Variants in SCAPER observed in about 807,000 individuals in gnomAD.
The protein encoded by SCAPER is S-phase cyclin A associated protein in the ER, also known as S phase cyclin A-associated protein in the endoplasmic reticulum.
A neutral mutation model predicts 182.2 loss-of-function variants in SCAPER; 98 were observed. That is an observed-to-expected ratio of 0.54 (90% CI 0.46 to 0.64). The LOEUF is 0.64. SCAPER is among the 30% of genes least tolerant of loss of function. The pLI, the probability that SCAPER is intolerant of heterozygous loss-of-function variation, is 0.00. For synonymous variants in SCAPER, 605 were observed against 564.6 expected, an observed-to-expected ratio of 1.07 and a Z score of -1.01; for missense variants, 1,432 against 1,690.0, an observed-to-expected ratio of 0.85 and a Z score of 2.68.
chr15:76,887,516 C>T (rs535555580), intron 1 of SCAPER, among the ~76,000 whole-genome samples: 4 of 152,318 alleles, frequency 2.6e-5, no homozygotes, highest in South Asian at 2.1e-4. Flanking sequence ...ATGCCTGGCT[C>T]GGTGGGTCCC....
At chr15:76,583,982 A>G (rs2048449739) in intron 22 of SCAPER, among the ~76,000 whole-genome samples, 1 of 152,208 alleles carries the variant, frequency 6.6e-6, no homozygotes. Context: ...TGTTTATTGC[A>G]GCACTATTCA....
chr15:76,391,514 G>C (rs1337337018), intron 27 of SCAPER, among the ~76,000 whole-genome samples: 2 of 152,196 alleles, frequency 1.3e-5, no homozygotes, highest in Admixed American at 6.5e-5. Flanking sequence ...AAGAAAGGGA[G>C]AACTGATCTT....
chr15:76,667,625 C>CAAAAAAAAAAAAAA lies in SCAPER; in HGVS notation c.2509-1850_2509-1837dup, dbSNP rs775463270. On this transcript the variant is annotated intron_variant, in intron 20 of 31. Coordinates refer to ENST00000563290, the MANE Select transcript of SCAPER (RefSeq NM_020843.4). Reference sequence around the variant, plus strand: ...GGGCAACAAGAGCGAGACTCAGTCTCAAAAAAAAAAAAAAAAAAAAAAAAA... The same window carrying CAAAAAAAAAAAAAA: ...GGGCAACAAGAGCGAGACTCAGTCTCAAAAAAAAAAAAAAAAAAAAAAAAAAAAAAAAAAAAAAA... Among the ~76,000 whole-genome samples, 5 of 27,474 alleles carry CAAAAAAAAAAAAAA rather than the reference C, an allele frequency of 1.8e-4. 2 individuals carry two copies. Among genetic ancestry groups the CAAAAAAAAAAAAAA allele is most frequent in the Non-Finnish European group, 3.3e-4 (5 of 15,342 alleles). 18.0% of individuals were successfully genotyped at this position (27,474 alleles called of 152,430 possible).
At chr15:76,474,649 G>A (rs1270726908) in intron 24 of SCAPER, among the ~76,000 whole-genome samples, 1 of 152,152 alleles carries the variant, frequency 6.6e-6, no homozygotes, top group Admixed American at 6.5e-5. Flanking sequence ...TTAGGACAGT[G>A]CCTGGCACAT....
At chr15:76,396,704 T>C (rs897999612) in intron 27 of SCAPER, among the ~76,000 whole-genome samples, 5 of 152,186 alleles carry the variant, frequency 3.3e-5, no homozygotes, top group African/African-American at 4.8e-5. Flanking sequence ...TCGGTTCTAA[T>C]AGCTTTTTGA....
chr15:76,848,434 C>T (rs928406567), intron 4 of SCAPER, among the ~76,000 whole-genome samples: 8 of 151,042 alleles, frequency 5.3e-5, no homozygotes, highest in African/African-American at 9.8e-5. Flanking sequence ...CCCAGGTTCA[C>T]GCCATTCTCC....
chr15:76,693,652 G>A (rs1396704409), intron 20 of SCAPER, among the ~76,000 whole-genome samples: 1 of 151,926 alleles, frequency 6.6e-6, no homozygotes, highest in Non-Finnish European at 1.5e-5. Context: ...TAAATATAAT[G>A]GAATATTATT....
Position 76,728,638 on chromosome 15 carries a change from C to G in SCAPER, c.2122G>C (p.Glu708Gln), listed in dbSNP as rs554728433. ...GCATCCTCACGGGCTTTTTCCTTTT[C>G]TTGCCTCTGTTGTTCAATTCGGGCT... Reference protein sequence around the residue: ...QEARIEQQRQEKEKAREDAAR... With the variant: ...QEARIEQQRQQKEKAREDAAR... The change falls in exon 17 of 32, where the codon GAA becomes CAA. Residue 708 changes from glutamate (E) to glutamine (Q), a missense_variant. By Grantham distance (29) the Glu-to-Gln change is conservative. This residue lies in a region of SCAPER where 88 missense variants were observed against 184.2 expected (regional missense o/e 0.48). Transcript: ENST00000563290. The G allele has an allele frequency of 5.0e-6, 8 of 1,613,682 alleles. No homozygotes were observed. The South Asian group carries it at 8.8e-5, about 18-fold the overall frequency.
At chr15:76,606,373 G>A (rs2050397791) in intron 22 of SCAPER, among the ~76,000 whole-genome samples, 1 of 152,188 alleles carries the variant, frequency 6.6e-6, no homozygotes, top group Non-Finnish European at 1.5e-5. Context: ...TGACTGCACT[G>A]TGGCCTGAGA....
At chr15:76,819,493 C>T (rs1471785881) in intron 5 of SCAPER, among the ~76,000 whole-genome samples, 1 of 152,208 alleles carries the variant, frequency 6.6e-6, no homozygotes, top group Non-Finnish European at 1.5e-5. Context: ...AATGGACCTC[C>T]AGCAAACTCC....
intron 21 of SCAPER, among the ~76,000 whole-genome samples, chr15:76,662,676 A>G (rs983578419): frequency 6.6e-6 from 1 of 152,164 alleles, no homozygotes; most frequent in Admixed American, 6.5e-5. Flanking sequence ...AATCACACAT[A>G]TATGATAGAT....
At chr15:76,893,771 A>C (rs1404807866) in intron 1 of SCAPER, among the ~76,000 whole-genome samples, 1 of 152,246 alleles carries the variant, frequency 6.6e-6, no homozygotes, top group Non-Finnish European at 1.5e-5. Flanking sequence ...GAAAACTGGA[A>C]AATTCACAAA....
intron 2 of SCAPER, among the ~76,000 whole-genome samples, chr15:76,869,132 T>G (rs1311625504): frequency 6.6e-6 from 1 of 152,140 alleles, no homozygotes; most frequent in Non-Finnish European, 1.5e-5. Flanking sequence ...GATTAAAAAC[T>G]TCAAAGTAAG....
At chr15:76,388,987 G>A (rs2043474101) in intron 27 of SCAPER, among the ~76,000 whole-genome samples, 1 of 151,742 alleles carries the variant, frequency 6.6e-6, no homozygotes. Context: ...GTCAGTCTCT[G>A]TCACAGACAC....
At chr15:76,758,450 G>C (rs1234558895) in intron 14 of SCAPER, among the ~76,000 whole-genome samples, 1 of 152,132 alleles carries the variant, frequency 6.6e-6, no homozygotes, top group Non-Finnish European at 1.5e-5. Context: ...CTGTGTGTAT[G>C]TTTGTATGCT....
intron 18 of SCAPER, among the ~76,000 whole-genome samples, chr15:76,703,852 T>C (rs2059100045): frequency 6.6e-6 from 1 of 152,156 alleles, no homozygotes; most frequent in Non-Finnish European, 1.5e-5. Flanking sequence ...CAAGGCTCAA[T>C]AAATACCTGC....
At chr15:76,605,580 G>T (rs2050313866) in intron 22 of SCAPER, among the ~76,000 whole-genome samples, 1 of 152,118 alleles carries the variant, frequency 6.6e-6, no homozygotes, top group Admixed American at 6.5e-5. Flanking sequence ...ATTGATTGCA[G>T]TAGTTTCAGA....
chr15:76,844,098 A>G (rs550906149), intron 4 of SCAPER, among the ~76,000 whole-genome samples: 1 of 152,214 alleles, frequency 6.6e-6, no homozygotes, highest in South Asian at 2.1e-4. Flanking sequence ...TGAAGCCAGA[A>G]TTCTTAATCG....
At chr15:76,727,123 T>C (rs1332095258) in intron 17 of SCAPER, among the ~76,000 whole-genome samples, 1 of 152,046 alleles carries the variant, frequency 6.6e-6, no homozygotes, top group African/African-American at 2.4e-5. Flanking sequence ...CTGAAAGACC[T>C]AAATCAGTAG....
Sources: allele counts gnomAD v4.1 joint callset (sites outside exome capture counted in the v4.1 genomes callset), GRCh38; gene constraint gnomAD v4.1.1; regional missense constraint gnomAD v4.1.1; transcripts MANE v1.5; gene names NCBI Gene and HGNC (gene_info 2026-07-23, HGNC 2026-07-21).